The following ZMAT4 variants were observed in gnomAD, a reference collection of about 807,000 sequenced individuals.
The protein encoded by ZMAT4 is zinc finger matrin-type protein 4.
In ZMAT4, 17 loss-of-function variants were observed where a neutral mutation model predicts 28.7. The observed-to-expected ratio is 0.59, with a 90% CI of 0.41 to 0.89. The LOEUF (loss-of-function observed/expected upper bound fraction) is 0.89, where lower values mean the gene tolerates loss of function less well. Among genes scored for constraint, ZMAT4 ranks in the 40% least tolerant of loss-of-function variants. The pLI is 0.00. For missense variants in ZMAT4, 240 were observed against 283.8 expected, an observed-to-expected ratio of 0.85 and a Z score of 1.11; for synonymous variants, 117 against 109.2, an observed-to-expected ratio of 1.07 and a Z score of -0.44.
intron 6 of ZMAT4, among the ~76,000 whole-genome samples, chr8:40,538,289 C>T (rs1488061510): frequency 6.6e-6 from 1 of 152,122 alleles, no homozygotes; most frequent in African/African-American, 2.4e-5. Context: ...CAAACTCAAC[C>T]AATTGTCAAC....
chr8:40,723,585 TAAAAG>T (rs1284674473), intron 3 of ZMAT4, among the ~76,000 whole-genome samples: 1 of 145,916 alleles, frequency 6.9e-6, no homozygotes, highest in African/African-American at 2.5e-5. Flanking sequence ...TTAATTAAAT[TAAAAG>T]AAAGCCAAAA....
intron 5 of ZMAT4, among the ~76,000 whole-genome samples, chr8:40,584,416 TA>T (rs2118555921): frequency 6.6e-6 from 1 of 152,296 alleles, no homozygotes; most frequent in African/African-American, 2.4e-5. Context: ...AGGGGACAAT[TA>T]ACTTTTAATA....
chr8:40,601,277 A>T (rs942707944), intron 5 of ZMAT4, among the ~76,000 whole-genome samples: 6 of 151,678 alleles, frequency 4.0e-5, no homozygotes, highest in African/African-American at 1.5e-4. Context: ...CAGAAACTGC[A>T]GTCCAGGGTA....
chr8:40,639,745 A>T (rs1806938865), intron 5 of ZMAT4, among the ~76,000 whole-genome samples: 1 of 146,140 alleles, frequency 6.8e-6, no homozygotes, highest in African/African-American at 2.5e-5. Context: ...TACATGTCTC[A>T]AACTAACAAA....
intron 4 of ZMAT4, among the ~76,000 whole-genome samples, chr8:40,696,758 G>A (rs185480605): frequency 1.4e-3 from 206 of 152,080 alleles, no homozygotes; most frequent in Non-Finnish European, 2.4e-3. Context: ...TCAGTTCTTG[G>A]CACACTAAAG....
chr8:40,819,772 G>A (rs78649432), intron 2 of ZMAT4, among the ~76,000 whole-genome samples: 15 of 152,052 alleles, frequency 9.9e-5, no homozygotes, highest in East Asian at 3.9e-4. Context: ...AGTTCTTCCC[G>A]CTCTCTTAGG....
At chr8:40,820,427 G>A (rs1299802638) in intron 2 of ZMAT4, among the ~76,000 whole-genome samples, 3 of 148,206 alleles carry the variant, frequency 2.0e-5, no homozygotes, top group Admixed American at 1.4e-4. Flanking sequence ...TGTATAGTGT[G>A]TGCTTATGTG....
chr8:40,695,033 C>T (rs975930600), intron 4 of ZMAT4, among the ~76,000 whole-genome samples: 3 of 152,172 alleles, frequency 2.0e-5, no homozygotes, highest in Non-Finnish European at 4.4e-5. Flanking sequence ...TAGGTGTCCC[C>T]ACTCTGTCCA....
chr8:40,852,351 T>A (rs1187157429), intron 1 of ZMAT4, among the ~76,000 whole-genome samples: 1 of 152,222 alleles, frequency 6.6e-6, no homozygotes, highest in African/African-American at 2.4e-5. Context: ...AAAAGCTGTA[T>A]TTTTAGAAAA....
intron 1 of ZMAT4, among the ~76,000 whole-genome samples, chr8:40,891,228 GACTT>G (rs1451135491): frequency 2.6e-4 from 31 of 120,690 alleles, no homozygotes; most frequent in East Asian, 6.2e-4. Flanking sequence ...GAGAGGAGAA[GACTT>G]GAGAGGAGAG....
chr8:40,605,417 T>C (rs914362011), intron 5 of ZMAT4, among the ~76,000 whole-genome samples: 1 of 152,234 alleles, frequency 6.6e-6, no homozygotes, highest in African/African-American at 2.4e-5. Flanking sequence ...ATTTAATTTT[T>C]ATCTTGATTT....
At chr8:40,748,678 G>A (rs1015876363) in intron 3 of ZMAT4, among the ~76,000 whole-genome samples, 2 of 152,100 alleles carry the variant, frequency 1.3e-5, no homozygotes, top group Non-Finnish European at 2.9e-5. Flanking sequence ...AAACAAGAAT[G>A]GTATTGAACA....
rs554468486 is a variant in ZMAT4 at position 40,867,420 on chromosome 8, T to C, written c.-5+30263A>G. On this transcript the variant is annotated intron_variant, in intron 1 of 6. Coordinates refer to ENST00000297737, the MANE Select transcript of ZMAT4 (RefSeq NM_024645.3). ...TGGTGAACATAAGTCAGATTATGAT[T>C]CCTTTGCTCAGGCCTCCCCAGTGGC... 1.2e-4 allele frequency among the ~76,000 whole-genome samples: 19 copies of C among 152,310 alleles called. No individual in the cohort carries two copies. The South Asian group carries it at 3.5e-3, about 28-fold the overall frequency.
chr8:40,577,439 A>T (rs560893913), intron 6 of ZMAT4, among the ~76,000 whole-genome samples: 2 of 152,204 alleles, frequency 1.3e-5, no homozygotes, highest in African/African-American at 2.4e-5. Flanking sequence ...AAGAAGATCC[A>T]CATCTTCTCA....
chr8:40,836,974 A>G lies in ZMAT4; in HGVS notation c.-4-11294T>C, dbSNP rs77618603. Reference sequence around the variant, plus strand: ...AGATAGATGATGGATTGATTGACAGAAATATAGATACATACATAGACAAAT... The same window carrying G: ...AGATAGATGATGGATTGATTGACAGGAATATAGATACATACATAGACAAAT... On this transcript the variant is annotated intron_variant, in intron 1 of 6. Coordinates refer to ENST00000297737, the MANE Select transcript of ZMAT4 (RefSeq NM_024645.3). Among the ~76,000 whole-genome samples, 4 of 152,376 alleles carry G rather than the reference A, an allele frequency of 2.6e-5. No individual in the cohort carries two copies. The East Asian group carries it at 7.7e-4, about 29-fold the overall frequency.
At chr8:40,580,919 T>C (rs1210987749) in intron 6 of ZMAT4, among the ~76,000 whole-genome samples, 2 of 152,116 alleles carry the variant, frequency 1.3e-5, no homozygotes, top group Non-Finnish European at 2.9e-5. Context: ...TTTTAATATG[T>C]CCTAATTTCA....
At chr8:40,533,953 G>C (rs1802770360) in intron 6 of ZMAT4, among the ~76,000 whole-genome samples, 1 of 152,142 alleles carries the variant, frequency 6.6e-6, no homozygotes, top group African/African-American at 2.4e-5. Flanking sequence ...AAACTGCAAA[G>C]ATGAACACTT....
chr8:40,546,697 C>T (rs1056094956), intron 6 of ZMAT4, among the ~76,000 whole-genome samples: 1 of 152,178 alleles, frequency 6.6e-6, no homozygotes, highest in Admixed American at 6.5e-5. Flanking sequence ...GATGACCTTT[C>T]CTCCCTGGTG....
intron 1 of ZMAT4, among the ~76,000 whole-genome samples, chr8:40,862,298 T>C (rs906456775): frequency 5.3e-5 from 8 of 150,886 alleles, no homozygotes; most frequent in Non-Finnish European, 1.0e-4. Context: ...GAAACCATCA[T>C]TCTCAGCAAA....
Sources: allele counts gnomAD v4.1 joint callset (sites outside exome capture counted in the v4.1 genomes callset), GRCh38; gene constraint gnomAD v4.1.1; transcripts MANE v1.5; gene names NCBI Gene and HGNC (gene_info 2026-07-23, HGNC 2026-07-21).